The following SLC8A1 variants were observed in gnomAD, a reference collection of about 807,000 sequenced individuals.
The protein encoded by SLC8A1 is sodium/calcium exchanger 1.
SLC8A1 carries 18 observed loss-of-function variants against 68.3 expected under a neutral mutation model. The ratio of observed to expected loss-of-function variants is 0.26; its 90% confidence interval spans 0.18 to 0.39. The LOEUF (loss-of-function observed/expected upper bound fraction) is 0.39, where lower values mean the gene tolerates loss of function less well. Among genes scored for constraint, SLC8A1 ranks in the 10% least tolerant of loss-of-function variants. SLC8A1 has a pLI of 1.00. For synonymous variants in SLC8A1, 475 were observed against 415.5 expected, an observed-to-expected ratio of 1.14 and a Z score of -1.74; for missense variants, 985 against 1,156.7, an observed-to-expected ratio of 0.85 and a Z score of 2.15.
At chr2:40,510,790 T>C (rs896148432) in intron 1 of SLC8A1, among the ~76,000 whole-genome samples, 66 of 152,322 alleles carry the variant, frequency 4.3e-4, no homozygotes, top group African/African-American at 1.5e-3. Flanking sequence ...GTTATTTTAA[T>C]GTGCTCTCAA....
At chr2:40,214,435 C>CTT (rs34050040) in intron 2 of SLC8A1, among the ~76,000 whole-genome samples, 31 of 141,388 alleles carry the variant, frequency 2.2e-4, no homozygotes, top group Non-Finnish European at 4.0e-4. Context: ...TGTACACTAT[C>CTT]TTTTTTTTTT....
At chr2:40,134,647 C>G (rs115205568) in intron 7 of SLC8A1, among the ~76,000 whole-genome samples, 1,852 of 152,254 alleles carry the variant, frequency 0.012, 41 homozygotes, top group African/African-American at 0.043. Flanking sequence ...ATCTACTTAC[C>G]TCCCTCAATA....
intron 7 of SLC8A1, among the ~76,000 whole-genome samples, chr2:40,117,221 T>C (rs1323550904): frequency 6.6e-6 from 1 of 151,840 alleles, no homozygotes; most frequent in East Asian, 1.9e-4. Context: ...TGCAAGATAC[T>C]AAATTTCTTG....
At chr2:40,099,647 G>A (rs529701674) in exon 8 of SLC8A1, 1 of 152,026 alleles carries the variant, frequency 6.6e-6, no homozygotes, top group South Asian at 2.1e-4. Context: ...GCCCTGTATA[G>A]GAAATTCATG....
chr2:40,410,222 T>C (rs1256269477), intron 2 of SLC8A1, among the ~76,000 whole-genome samples: 1 of 152,036 alleles, frequency 6.6e-6, no homozygotes, highest in Non-Finnish European at 1.5e-5. Flanking sequence ...AATGAAAGGA[T>C]GTAATGAAAA....
intron 1 of SLC8A1, among the ~76,000 whole-genome samples, chr2:40,443,429 C>T (rs910851411): frequency 1.8e-4 from 28 of 152,094 alleles, no homozygotes; most frequent in Admixed American, 2.0e-4. Flanking sequence ...TGCAGGAAAC[C>T]AGCCAAAAGG....
At chr2:40,166,639 G>C (rs1364164990) in intron 4 of SLC8A1, among the ~76,000 whole-genome samples, 6 of 152,204 alleles carry the variant, frequency 3.9e-5, no homozygotes, top group Admixed American at 1.3e-4. Flanking sequence ...GGTTCTCCAA[G>C]ATTTGTCCTT....
intron 2 of SLC8A1, among the ~76,000 whole-genome samples, chr2:40,308,503 T>C (rs975521574): frequency 2.0e-5 from 3 of 152,164 alleles, no homozygotes; most frequent in African/African-American, 7.2e-5. Context: ...CCATTTCTGC[T>C]AGGCAGTAAA....
chr2:40,236,172 G>T (rs1157177947), intron 2 of SLC8A1, among the ~76,000 whole-genome samples: 1 of 151,906 alleles, frequency 6.6e-6, no homozygotes, highest in Admixed American at 6.6e-5. Context: ...TTTCTGTCTT[G>T]TTGATCTGTC....
chr2:40,107,684 A>G (rs2034301765), exon 8 of SLC8A1: 2 of 152,120 alleles, frequency 1.3e-5, no homozygotes, highest in African/African-American at 4.8e-5. Flanking sequence ...TGCCTCTCCA[A>G]CTCTTTCTCA....
At chr2:40,296,936 T>C (rs1233974972) in intron 2 of SLC8A1, among the ~76,000 whole-genome samples, 1 of 152,204 alleles carries the variant, frequency 6.6e-6, no homozygotes, top group African/African-American at 2.4e-5. Context: ...ACCAGGCTGA[T>C]GTCAAGCCAT....
At chr2:40,149,908 T>C (rs1363555649) in intron 6 of SLC8A1, among the ~76,000 whole-genome samples, 1 of 151,978 alleles carries the variant, frequency 6.6e-6, no homozygotes, top group Non-Finnish European at 1.5e-5. Flanking sequence ...ACATGGAGTA[T>C]CTGATGGTTA....
exon 3 of SLC8A1, chr2:40,177,760 C>T (rs1238998018): frequency 6.5e-7 from 1 of 1,544,138 alleles, no homozygotes; most frequent in Non-Finnish European, 8.8e-7. Flanking sequence ...ACCTTTCATT[C>T]CTCTTCTTAT....
At chr2:40,173,356 A>AACCAGTAACTACTACTAATCAACGCC (rs1372321146) in intron 4 of SLC8A1, among the ~76,000 whole-genome samples, 1 of 152,212 alleles carries the variant, frequency 6.6e-6, no homozygotes, top group Non-Finnish European at 1.5e-5. Context: ...ACAGTTGGGG[A>AACCAGTAACTACTACTAATCAACGCC]CATCTGACCC....
chr2:40,334,904 C>G (rs997484460), intron 2 of SLC8A1, among the ~76,000 whole-genome samples: 1 of 152,204 alleles, frequency 6.6e-6, no homozygotes, highest in African/African-American at 2.4e-5. Context: ...GAGGGGGCAG[C>G]AGTAGGCTTC....
intron 2 of SLC8A1, among the ~76,000 whole-genome samples, chr2:40,288,402 C>T (rs528688294): frequency 1.8e-4 from 27 of 152,252 alleles, no homozygotes; most frequent in Admixed American, 2.6e-4. Flanking sequence ...AGGAGTTCCA[C>T]CAGGGATGAT....
chr2:40,103,247 C>G (rs2034004984), exon 8 of SLC8A1: 1 of 152,080 alleles, frequency 6.6e-6, no homozygotes. Context: ...TTTCTTTCTT[C>G]TTTTCTTCCA....
chr2:40,373,289 A>C (rs890513380), intron 2 of SLC8A1, among the ~76,000 whole-genome samples: 1 of 152,092 alleles, frequency 6.6e-6, no homozygotes. Context: ...TGAATGATTT[A>C]CACCTACTTT....
At chr2:40,121,451 A>G (rs1383392345) in intron 7 of SLC8A1, among the ~76,000 whole-genome samples, 1 of 152,186 alleles carries the variant, frequency 6.6e-6, no homozygotes, top group South Asian at 2.1e-4. Flanking sequence ...TTTTGCTGAT[A>G]AAATGTGGGT....
Sources: allele counts gnomAD v4.1 joint callset (sites outside exome capture counted in the v4.1 genomes callset), GRCh38; gene constraint gnomAD v4.1.1; transcripts MANE v1.5; gene names NCBI Gene and HGNC (gene_info 2026-07-23, HGNC 2026-07-21).